Variants in RNLS observed in about 807,000 individuals in gnomAD.
RNLS encodes renalase.
Under a neutral mutation model 39.8 loss-of-function variants are expected in RNLS, and 39 were observed. That is an observed-to-expected ratio of 0.98 (90% CI 0.76 to 1.28). RNLS has a LOEUF of 1.28. Ranked by LOEUF, RNLS falls within the 50% of genes most tolerant of loss-of-function variation. The pLI, the probability that RNLS is intolerant of heterozygous loss-of-function variation, is 0.00. For missense variants in RNLS, 410 were observed against 413.3 expected, an observed-to-expected ratio of 0.99 and a Z score of 0.07; for synonymous variants, 147 against 150.7, an observed-to-expected ratio of 0.98 and a Z score of 0.18.
At chr10:88,262,447 G>A in the RNLS span, among the ~76,000 whole-genome samples, 1 of 152,068 alleles carries the variant, frequency 6.6e-6, no homozygotes, top group Non-Finnish European at 1.5e-5. Context: ...GACTCAGATC[G>A]GCACCCTCTG....
the RNLS span, among the ~76,000 whole-genome samples, chr10:88,254,233 G>A: frequency 1.3e-5 from 2 of 152,120 alleles, no homozygotes; most frequent in South Asian, 2.1e-4. Flanking sequence ...GCAATGAAGC[G>A]AGCCCCCAGG....
At chr10:88,343,164 T>G (rs1848077644) in intron 5 of RNLS, among the ~76,000 whole-genome samples, 1 of 152,094 alleles carries the variant, frequency 6.6e-6, no homozygotes, top group African/African-American at 2.4e-5. Flanking sequence ...TGAACAGATG[T>G]GTGCTCTAAG....
At chr10:88,430,323 T>A (rs1855058217) in intron 4 of RNLS, among the ~76,000 whole-genome samples, 1 of 151,866 alleles carries the variant, frequency 6.6e-6, no homozygotes, top group Non-Finnish European at 1.5e-5. Flanking sequence ...CAAATACAGT[T>A]AAATTTTGCA....
At chr10:88,484,845 T>C (rs1315868273) in intron 4 of RNLS, among the ~76,000 whole-genome samples, 2 of 151,948 alleles carry the variant, frequency 1.3e-5, no homozygotes, top group Admixed American at 6.6e-5. Flanking sequence ...ATTTAAAGTA[T>C]GGCAAAACTT....
At chr10:88,541,663 C>T (rs1848049117) in intron 4 of RNLS, among the ~76,000 whole-genome samples, 1 of 152,166 alleles carries the variant, frequency 6.6e-6, no homozygotes, top group Admixed American at 6.6e-5. Flanking sequence ...ACTTCTTTAG[C>T]TGTAGAAGAC....
intron 4 of RNLS, among the ~76,000 whole-genome samples, chr10:88,562,906 T>G (rs1439112772): frequency 6.6e-6 from 1 of 152,304 alleles, no homozygotes; most frequent in South Asian, 2.1e-4. Flanking sequence ...AGGTATATTG[T>G]TCTCTGGAAA....
the RNLS span, among the ~76,000 whole-genome samples, chr10:88,177,939 G>A: frequency 4.6e-5 from 7 of 152,180 alleles, no homozygotes. Flanking sequence ...GTGCCTTTAG[G>A]TAGCACATGT....
At chr10:88,533,491 A>T (rs528294670) in intron 4 of RNLS, among the ~76,000 whole-genome samples, 4 of 152,194 alleles carry the variant, frequency 2.6e-5, no homozygotes, top group Non-Finnish European at 4.4e-5. Context: ...TCAGATTTTT[A>T]AAAGGGTTTT....
intron 5 of RNLS, chr10:88,343,837 A>T (rs1476450596): frequency 1.0e-6 from 1 of 984,852 alleles, no homozygotes. Context: ...AAAGGGTTTC[A>T]ATAGTCCTTT....
chr10:88,568,994 C>A (rs185376710), intron 4 of RNLS, among the ~76,000 whole-genome samples: 1 of 152,162 alleles, frequency 6.6e-6, no homozygotes, highest in Admixed American at 6.5e-5. Flanking sequence ...TGTGTTTTAA[C>A]AAGTCTTCCA....
chr10:88,270,597 G>C (rs111505821), downstream of RNLS, among the ~76,000 whole-genome samples: 456 of 152,228 alleles, frequency 3.0e-3, 3 homozygotes, highest in African/African-American at 1.0e-2. Context: ...TTCCACTCAG[G>C]ATCCTCTGAG....
At chr10:88,321,748 A>G (rs570321463) in intron 5 of RNLS, among the ~76,000 whole-genome samples, 1 of 152,166 alleles carries the variant, frequency 6.6e-6, no homozygotes, top group African/African-American at 2.4e-5. Flanking sequence ...TTGAATCAAG[A>G]TGAAATTAAA....
At chr10:88,212,095 C>T in the RNLS span, among the ~76,000 whole-genome samples, 1 of 152,198 alleles carries the variant, frequency 6.6e-6, no homozygotes, top group Non-Finnish European at 1.5e-5. Context: ...ATTCTACCCA[C>T]ATTGATGTCA....
chr10:88,218,203 G>A, the RNLS span, among the ~76,000 whole-genome samples: 1 of 152,260 alleles, frequency 6.6e-6, no homozygotes, highest in Admixed American at 6.5e-5. Context: ...TAAAGGCAGT[G>A]CCTCCTCCAT....
At position 88,348,982 on chromosome 10, in the gene RNLS, C is replaced by T. The variant is rs1015805822; in HGVS notation, c.700+13570G>A. ...AATTACGAGTGCAACAGAGCATCAC[C>T]TTACTTCCTTCAGAATTTCTCATTT... On this transcript the variant is annotated intron_variant, in intron 5 of 6. Transcript: ENST00000331772. 2.7e-4 allele frequency among the ~76,000 whole-genome samples: 41 copies of T among 152,236 alleles called. 1 individual carries two copies. The highest frequency in any genetic ancestry group is 4.4e-4 in the Non-Finnish European group (30 of 68,014).
At chr10:88,366,991 T>C (rs761402817) in intron 4 of RNLS, among the ~76,000 whole-genome samples, 29 of 151,888 alleles carry the variant, frequency 1.9e-4, no homozygotes, top group Non-Finnish European at 5.9e-5. Context: ...CTAATAAAAG[T>C]CAACTAACTC....
chr10:88,302,787 A>G (rs1564675217), intron 6 of RNLS, among the ~76,000 whole-genome samples: 1 of 152,226 alleles, frequency 6.6e-6, no homozygotes, highest in Non-Finnish European at 1.5e-5. Flanking sequence ...CAAGTTTGGT[A>G]TATACATGAT....
chr10:88,506,745 G>A (rs1845818176), intron 4 of RNLS, among the ~76,000 whole-genome samples: 1 of 151,984 alleles, frequency 6.6e-6, no homozygotes, highest in Non-Finnish European at 1.5e-5. Flanking sequence ...TGCAACACAT[G>A]CCTAGAAATT....
At chr10:88,353,177 G>A (rs889882016) in intron 5 of RNLS, among the ~76,000 whole-genome samples, 4 of 152,106 alleles carry the variant, frequency 2.6e-5, no homozygotes, top group Non-Finnish European at 5.9e-5. Flanking sequence ...ATTTTTTGAA[G>A]GGTTTTAATA....
Sources: allele counts gnomAD v4.1 joint callset (sites outside exome capture counted in the v4.1 genomes callset), GRCh38; gene constraint gnomAD v4.1.1; transcripts MANE v1.5; gene names NCBI Gene and HGNC (gene_info 2026-07-23, HGNC 2026-07-21).